The following C8orf34 variants were observed in gnomAD, a reference collection of about 807,000 sequenced individuals.
C8orf34 encodes uncharacterized protein C8orf34.
C8orf34 carries 65 observed loss-of-function variants against 68.3 expected under a neutral mutation model. The ratio of observed to expected loss-of-function variants is 0.95; its 90% confidence interval spans 0.78 to 1.17. The LOEUF (loss-of-function observed/expected upper bound fraction) is 1.17, where lower values mean the gene tolerates loss of function less well. Ranked by LOEUF, C8orf34 falls within the 50% of genes most tolerant of loss-of-function variation. The pLI is 0.00. For synonymous variants in C8orf34, 244 were observed against 241.2 expected, an observed-to-expected ratio of 1.01 and a Z score of -0.11; for missense variants, 664 against 655.4, an observed-to-expected ratio of 1.01 and a Z score of -0.14.
intron 7 of C8orf34, among the ~76,000 whole-genome samples, chr8:68,632,837 C>T (rs547244407): frequency 1.3e-5 from 2 of 152,236 alleles, no homozygotes; most frequent in African/African-American, 4.8e-5. Flanking sequence ...TGCTGCTGTG[C>T]AAAAGACGAG....
At chr8:68,648,753 T>C (rs781651254) in intron 8 of C8orf34, among the ~76,000 whole-genome samples, 10 of 152,226 alleles carry the variant, frequency 6.6e-5, no homozygotes, top group Non-Finnish European at 1.5e-4. Flanking sequence ...AAATAGCTTG[T>C]TGTTTTTGAA....
chr8:68,449,274 C>CT (rs958183876), intron 3 of C8orf34, among the ~76,000 whole-genome samples: 5 of 151,918 alleles, frequency 3.3e-5, no homozygotes, highest in Non-Finnish European at 7.4e-5. Flanking sequence ...CACGCCAAGA[C>CT]TTTTTTTTAC....
chr8:68,608,141 T>G (rs548407469), intron 7 of C8orf34, among the ~76,000 whole-genome samples: 1 of 152,026 alleles, frequency 6.6e-6, no homozygotes, highest in Non-Finnish European at 1.5e-5. Flanking sequence ...CAATAAAACT[T>G]GGACTCTGTC....
chr8:68,446,602 G>C, intron 3 of C8orf34, 142 bp downstream of exon 3: 1 of 778,626 alleles, frequency 1.3e-6, no homozygotes, highest in East Asian at 2.8e-5. Context: ...CTTTTACTCC[G>C]CATTTACATT....
chr8:68,530,364 C>G (rs1010440245), intron 6 of C8orf34, among the ~76,000 whole-genome samples: 1 of 151,906 alleles, frequency 6.6e-6, no homozygotes, highest in Non-Finnish European at 1.5e-5. Context: ...TATCTATATC[C>G]CTTCTAGTAG....
At chr8:68,817,334 T>G (rs2958326) in intron 13 of C8orf34, among the ~76,000 whole-genome samples, 129,705 of 152,148 alleles carry the variant, frequency 0.85, 55,515 homozygotes, top group Middle Eastern at 0.94. Context: ...AGGAATGTAA[T>G]ATGCAGTTGA....
intron 1 of C8orf34, among the ~76,000 whole-genome samples, chr8:68,348,440 A>G (rs772827650): frequency 3.9e-5 from 6 of 152,012 alleles, no homozygotes; most frequent in African/African-American, 7.2e-5. Context: ...TGCCTTGACT[A>G]TTCAGGCTTG....
intron 7 of C8orf34, among the ~76,000 whole-genome samples, chr8:68,554,321 T>G (rs978020775): frequency 6.6e-6 from 1 of 152,122 alleles, no homozygotes; most frequent in Admixed American, 6.5e-5. Context: ...TGTGAGAAAT[T>G]TTGCTTTGAA....
At chr8:68,784,542 C>G (rs1003222228) in intron 11 of C8orf34, among the ~76,000 whole-genome samples, 1 of 152,136 alleles carries the variant, frequency 6.6e-6, no homozygotes, top group African/African-American at 2.4e-5. Context: ...TTCCCCACAT[C>G]CTTAAGGGTG....
intron 1 of C8orf34, among the ~76,000 whole-genome samples, chr8:68,399,623 G>A (rs1200922116): frequency 1.3e-5 from 2 of 152,142 alleles, no homozygotes; most frequent in Non-Finnish European, 2.9e-5. Flanking sequence ...ATAAACATAT[G>A]AGAGCAGGTA....
intron 4 of C8orf34, among the ~76,000 whole-genome samples, chr8:68,469,664 A>G (rs1401806131): frequency 6.6e-6 from 1 of 151,972 alleles, no homozygotes; most frequent in Non-Finnish European, 1.5e-5. Context: ...GGGCTCCTTT[A>G]GAAGCACATT....
At chr8:68,807,351 C>T (rs372829307) in intron 12 of C8orf34, among the ~76,000 whole-genome samples, 29 of 152,312 alleles carry the variant, frequency 1.9e-4, no homozygotes, top group African/African-American at 6.5e-4. Flanking sequence ...CCCTTAGTTC[C>T]TGCTCACATA....
At chr8:68,397,099 C>A (rs969727050) in intron 1 of C8orf34, among the ~76,000 whole-genome samples, 3 of 151,932 alleles carry the variant, frequency 2.0e-5, no homozygotes, top group Non-Finnish European at 4.4e-5. Flanking sequence ...CTCCATCTCC[C>A]AAGTTCAAGC....
At chr8:68,557,314 T>A (rs936921120) in intron 7 of C8orf34, among the ~76,000 whole-genome samples, 2 of 152,206 alleles carry the variant, frequency 1.3e-5, no homozygotes, top group Non-Finnish European at 2.9e-5. Flanking sequence ...GATTTTCTTG[T>A]AAATTAAATT....
rs532046915 is a variant in C8orf34, at chr8:68,432,836, C to G, written c.328-6663C>G. On this transcript the variant is annotated intron_variant, in intron 1 of 13. Transcript: ENST00000518698. ...TACTGCATTAGAACCTGTTTCTTAC[C>G]AAAGCCAAAACTTGTAACAGAGCTT... 7.2e-5 allele frequency among the ~76,000 whole-genome samples: 11 copies of G among 152,100 alleles called. No individual in the cohort carries two copies. In the South Asian group the frequency reaches 1.2e-3, roughly 17 times the overall value.
intron 3 of C8orf34, among the ~76,000 whole-genome samples, chr8:68,465,868 G>A (rs960429198): frequency 1.3e-5 from 2 of 151,704 alleles, no homozygotes; most frequent in Admixed American, 6.6e-5. Flanking sequence ...GAGTTAATGG[G>A]TGCAGCACAC....
rs138953830 is a variant in C8orf34, at chr8:68,704,421, G to T, written c.1242-4573G>T. 2.9e-3 allele frequency among the ~76,000 whole-genome samples: 446 copies of T among 152,248 alleles called. 1 individual carries two copies. The highest frequency in any genetic ancestry group is 0.01 in the African/African-American group (429 of 41,564). Reference sequence around the variant, plus strand: ...ACCTGAAAAAAGCAAAAGCGGTTTGGAGTTTATGGAGTATAAAATCCATGG... The same window carrying T: ...ACCTGAAAAAAGCAAAAGCGGTTTGTAGTTTATGGAGTATAAAATCCATGG... On this transcript the variant is annotated intron_variant, in intron 8 of 13. Transcript: ENST00000518698.
chr8:68,618,033 T>G (rs1050684299), intron 7 of C8orf34, among the ~76,000 whole-genome samples: 3 of 152,154 alleles, frequency 2.0e-5, no homozygotes, highest in Admixed American at 2.0e-4. Context: ...TTTTTTTATT[T>G]GGACCATCTA....
chr8:68,522,123 CTG>C (rs1814783300), intron 6 of C8orf34, 152 bp downstream of exon 6: 2 of 595,850 alleles, frequency 3.4e-6, no homozygotes, highest in Admixed American at 7.4e-5. Context: ...ACATCAATTG[CTG>C]TCTCTTAAAA....
Sources: gnomAD v4.1 joint callset for allele counts (sites outside exome capture counted in the v4.1 genomes callset) on GRCh38, gnomAD v4.1.1 for gene constraint, MANE v1.5 for transcripts, NCBI Gene and HGNC (gene_info 2026-07-23, HGNC 2026-07-21) for gene names.